The following USP43 variants were observed in gnomAD, a reference collection of about 807,000 sequenced individuals.
The protein encoded by USP43 is ubiquitin specific peptidase 43.
A neutral mutation model predicts 90.7 loss-of-function variants in USP43; 33 were observed. The observed-to-expected ratio is 0.36, with a 90% CI of 0.28 to 0.49. The LOEUF is 0.49. Among genes scored for constraint, USP43 ranks in the 20% least tolerant of loss-of-function variants. The pLI is 0.98. For synonymous variants in USP43, 598 were observed against 615.8 expected (o/e 0.97, Z 0.43); for missense variants, 1,274 against 1,476.4 (o/e 0.86, Z 2.25).
intron 3 of USP43, among the ~76,000 whole-genome samples, chr17:9,668,921 C>T (rs1184929240): frequency 2.0e-5 from 3 of 152,142 alleles, no homozygotes; most frequent in Non-Finnish European, 4.4e-5. Flanking sequence ...CTGCAACCTC[C>T]ACTTCCCGGG....
rs374620530 is a variant in USP43 at position 9,666,763 on chromosome 17, A to G, written c.740+12A>G. The G allele has an allele frequency of 2.2e-5, 36 of 1,602,080 alleles. No individual in the cohort carries two copies. In the East Asian group the frequency reaches 2.7e-4, roughly 12 times the overall value. ...CAAGCACAATATAGGTAAGATGGGGATGTGTTTAGAATGTATCACCCGAGG... is the reference window on the plus strand; with the variant it reads ...CAAGCACAATATAGGTAAGATGGGGGTGTGTTTAGAATGTATCACCCGAGG... On this transcript the variant is annotated intron_variant, in intron 3 of 14. Coordinates refer to ENST00000285199, the MANE Select transcript of USP43 (RefSeq NM_153210.5).
chr17:9,715,840 T>A (rs1916518650), intron 14 of USP43, among the ~76,000 whole-genome samples: 1 of 151,798 alleles, frequency 6.6e-6, no homozygotes, highest in African/African-American at 2.4e-5. Context: ...TGTGTATGTA[T>A]CTGTGTATAT....
chr17:9,727,555 G>A (rs1266152024), intron 14 of USP43, among the ~76,000 whole-genome samples: 1 of 151,456 alleles, frequency 6.6e-6, no homozygotes, highest in Non-Finnish European at 1.5e-5. Context: ...TCTTGCATTT[G>A]AAAGGTACAA....
At chr17:9,682,630 A>C (rs1358591538) in intron 6 of USP43, among the ~76,000 whole-genome samples, 193 bp from the exon 7 acceptor site, 1 of 152,162 alleles carries the variant, frequency 6.6e-6, no homozygotes, top group East Asian at 1.9e-4. Flanking sequence ...CATATTCTTG[A>C]TGTTCGTATG....
At chr17:9,707,434 C>T in intron 12 of USP43, among the ~76,000 whole-genome samples, 1 of 152,062 alleles carries the variant, frequency 6.6e-6, no homozygotes, top group Non-Finnish European at 1.5e-5. Context: ...ACCACGAGGT[C>T]AGGAGATCAA....
At chr17:9,669,443 T>C (rs1023336408) in intron 3 of USP43, among the ~76,000 whole-genome samples, 1 of 152,196 alleles carries the variant, frequency 6.6e-6, no homozygotes, top group African/African-American at 2.4e-5. Flanking sequence ...GGTCCAATAG[T>C]TACCATGAGG....
At chr17:9,716,332 C>T (rs561316372) in intron 14 of USP43, among the ~76,000 whole-genome samples, 4 of 152,082 alleles carry the variant, frequency 2.6e-5, no homozygotes, top group African/African-American at 9.6e-5. Flanking sequence ...ATTAATCCTT[C>T]AATACTTAAA....
At chr17:9,687,058 T>C (rs1914637274) in intron 8 of USP43, 149 bp downstream of exon 8, 7 of 586,356 alleles carry the variant, frequency 1.2e-5, no homozygotes, top group Middle Eastern at 4.8e-4. Context: ...TTTTATAAAA[T>C]GACTTAGATT....
rs571824013 is a variant in USP43 at position 9,693,122 on chromosome 17, C to T, written c.1354-5C>T. 5.0e-6 allele frequency: 8 copies of T among 1,612,294 alleles called. No homozygotes were observed. Among genetic ancestry groups the T allele is most frequent in the African/African-American group, 4.0e-5 (3 of 74,970 alleles). On this transcript the variant is annotated splice_polypyrimidine_tract_variant and splice_region_variant and intron_variant, in intron 8 of 14. Transcript: ENST00000285199. ...AATGATCCATGTCTGTTTTTGTCTT[C>T]GCAGAACCTGGGGTCTCTGTTCTCC... is the stretch of plus-strand genomic sequence containing the variant.
At chr17:9,675,111 C>A in intron 4 of USP43, 128 bp downstream of exon 4, 1 of 786,376 alleles carries the variant, frequency 1.3e-6, no homozygotes, top group Non-Finnish European at 2.2e-6. Flanking sequence ...TGGAAACCAG[C>A]CTTATAGCTG....
chr17:9,695,817 G>C (rs1209228663), intron 9 of USP43, among the ~76,000 whole-genome samples: 2 of 152,044 alleles, frequency 1.3e-5, no homozygotes, highest in African/African-American at 4.8e-5. Context: ...CCACTCCACT[G>C]TCTGTCACTG....
rs73975786 is a variant in USP43 at position 9,672,870 on chromosome 17, C to T, written c.741-2021C>T. On this transcript the variant is annotated intron_variant, in intron 3 of 14. Transcript: ENST00000285199. The stretch of plus-strand genomic sequence containing the variant: ...GCAGATCACCCAGGATTGCCTCGGG[C>T]GACACTCTCCTGTTTATGTTCCTGT... Among the ~76,000 whole-genome samples, 403 of 152,236 alleles carry T rather than the reference C, an allele frequency of 2.6e-3. 3 individuals carry two copies. Among genetic ancestry groups the T allele is most frequent in the African/African-American group, 8.8e-3 (366 of 41,532 alleles).
At chr17:9,654,840 C>T (rs1383493118) in intron 1 of USP43, among the ~76,000 whole-genome samples, 2 of 151,602 alleles carry the variant, frequency 1.3e-5, no homozygotes, top group African/African-American at 4.8e-5. Flanking sequence ...CGGGTTCAAG[C>T]GATTCTCCTG....
At position 9,701,997 on chromosome 17, in the gene USP43, C is replaced by T. The variant is rs181116974; in HGVS notation, c.2011+297C>T. ...GGCACGGTAGTGTGGCTGTCTCGCA[C>T]CATGTGCGAGAGCAGAAGGGACCTT... On this transcript the variant is annotated intron_variant, in intron 12 of 14. Transcript: ENST00000285199. This position sits in a 1 kb window ranked among gnomAD's most constrained non-coding sequence, Gnocchi z 7.2. Among the ~76,000 whole-genome samples the T allele has an allele frequency of 6.6e-6, 1 of 152,266 alleles. No individual in the cohort carries two copies. Among genetic ancestry groups the T allele is most frequent in the Non-Finnish European group, 1.5e-5 (1 of 68,024 alleles).
intron 2 of USP43, among the ~76,000 whole-genome samples, chr17:9,664,150 T>C (rs763310203): frequency 1.3e-5 from 2 of 152,242 alleles, no homozygotes; most frequent in Non-Finnish European, 2.9e-5. Context: ...TATTTTATTA[T>C]GAAAAATTTC....
intron 8 of USP43, among the ~76,000 whole-genome samples, chr17:9,689,743 C>CG (rs1914818008): frequency 6.6e-6 from 1 of 151,874 alleles, no homozygotes; most frequent in South Asian, 2.1e-4. Flanking sequence ...ATTTTGTAAA[C>CG]GGGGGTGTGT....
In USP43 at chr17:9,650,734, C is replaced by A. The variant is rs558279144; in HGVS notation, c.504+4598C>A. Among the ~76,000 whole-genome samples the A allele has an allele frequency of 7.2e-5, 11 of 152,246 alleles. No individual in the cohort carries two copies. The Middle Eastern group carries it at 0.01, about 142-fold the overall frequency. ...GTGGTGAGAACATTTACGATCTATT[C>A]CCTTGGCAATTTTCAGGTATATAAT... On this transcript the variant is annotated intron_variant, in intron 1 of 14. Transcript: ENST00000285199.
rs765142307 is a variant in USP43, at chr17:9,700,231, A to C, written c.1517A>C (p.Asp506Ala). The C allele has an allele frequency of 1.2e-6, 2 of 1,602,574 alleles. No individual in the cohort carries two copies. Among genetic ancestry groups the C allele is most frequent in the South Asian group, 2.3e-5 (2 of 88,428 alleles). Residue 506 changes from aspartate to alanine, a missense_variant, in exon 10 of 15, where the codon GAT (aspartate) becomes GCT (alanine). Around this residue, in one of 6 missense-constraint regions of USP43, gnomAD observed 253 missense variants for 276.0 expected, o/e 0.92. Transcript: ENST00000285199. ...PPHVKLAVEW[D>A]SSVKERLFGS... Reference sequence around the variant, plus strand: ...CATGTCAAGCTGGCGGTGGAGTGGGATAGCTCTGTCAAGGAGCGGTGAGTT... The same window carrying C: ...CATGTCAAGCTGGCGGTGGAGTGGGCTAGCTCTGTCAAGGAGCGGTGAGTT...
At chr17:9,656,258 G>A (rs1912236652) in intron 1 of USP43, 145 bp from the exon 2 acceptor site, 9 of 1,127,750 alleles carry the variant, frequency 8.0e-6, no homozygotes, top group Non-Finnish European at 1.1e-5. Context: ...TGGCGTGAAA[G>A]AACATTTCTA....
Sources: gnomAD v4.1 joint callset for allele counts (sites outside exome capture counted in the v4.1 genomes callset) on GRCh38, gnomAD v4.1.1 for gene constraint, gnomAD v4.1.1 regional missense constraint, Gnocchi (gnomAD v3.1) non-coding constraint, MANE v1.5 for transcripts, NCBI Gene and HGNC (gene_info 2026-07-23, HGNC 2026-07-21) for gene names.